The following GRIK1 variants were observed in gnomAD, a reference collection of about 807,000 sequenced individuals.
GRIK1 encodes the protein glutamate receptor ionotropic, kainate 1.
In GRIK1, 69 loss-of-function variants were observed where a neutral mutation model predicts 105.7. That is an observed-to-expected ratio of 0.65 (90% CI 0.54 to 0.80). The LOEUF (loss-of-function observed/expected upper bound fraction) is 0.80. Ranked by LOEUF, GRIK1 falls within the 30% of genes least tolerant of loss-of-function variation. GRIK1 has a pLI of 0.00. For synonymous variants in GRIK1, 438 were observed against 431.3 expected (o/e 1.02, Z -0.19); for missense variants, 1,109 against 1,167.3 (o/e 0.95, Z 0.73).
intron 1 of GRIK1, among the ~76,000 whole-genome samples, chr21:29,780,978 G>C (rs1250520286): frequency 6.6e-6 from 1 of 151,998 alleles, no homozygotes; most frequent in Non-Finnish European, 1.5e-5. Flanking sequence ...TCAGATTATA[G>C]ATATAACACA....
chr21:29,560,574 T>TTCTTTCTTTCTC (rs1601116875), intron 15 of GRIK1, among the ~76,000 whole-genome samples: 1 of 124,180 alleles, frequency 8.1e-6, no homozygotes, highest in East Asian at 2.2e-4. Flanking sequence ...CTTTCTTTCT[T>TTCTTTCTTTCTC]TCTCTCTTTC....
At chr21:29,738,240 G>C (rs2064844768) in intron 1 of GRIK1, among the ~76,000 whole-genome samples, 1 of 151,900 alleles carries the variant, frequency 6.6e-6, no homozygotes, top group African/African-American at 2.4e-5. Flanking sequence ...CACTTTATCT[G>C]TTTGTGTGGG....
intron 4 of GRIK1, among the ~76,000 whole-genome samples, chr21:29,659,832 C>T (rs77117873): frequency 0.036 from 5,455 of 152,012 alleles, 323 homozygotes; most frequent in African/African-American, 0.12. Flanking sequence ...AGTGGTGGTG[C>T]GTGCCTGTAA....
At position 29,698,209 on chromosome 21, in the gene GRIK1, A is replaced by T. The variant is rs375385207; in HGVS notation, c.119-4146T>A. On this transcript the variant is annotated intron_variant, in intron 1 of 17. Coordinates refer to ENST00000327783, the MANE Select transcript of GRIK1 (RefSeq NM_001330994.2). Reference sequence around the variant, plus strand: ...GAGGCCCATTGGTTTGAGATGAGAAATCCCTACCTTTTTCATCCCTCTGTT... The same window carrying T: ...GAGGCCCATTGGTTTGAGATGAGAATTCCCTACCTTTTTCATCCCTCTGTT... Among the ~76,000 whole-genome samples the T allele has an allele frequency of 1.6e-4, 25 of 152,154 alleles. 1 individual carries two copies. The South Asian group carries it at 4.8e-3, about 29-fold the overall frequency.
chr21:29,567,793 A>G (rs1278875017), intron 14 of GRIK1, among the ~76,000 whole-genome samples: 1 of 152,232 alleles, frequency 6.6e-6, no homozygotes, highest in Non-Finnish European at 1.5e-5. Flanking sequence ...GACATGATTA[A>G]TATATTATTT....
intron 1 of GRIK1, among the ~76,000 whole-genome samples, chr21:29,931,817 C>T (rs889277950): frequency 6.6e-6 from 1 of 152,116 alleles, no homozygotes; most frequent in East Asian, 1.9e-4. Context: ...TTTAATCAAT[C>T]ATTAGATAAA....
intron 1 of GRIK1, among the ~76,000 whole-genome samples, chr21:29,771,220 T>C (rs1173833066): frequency 6.6e-6 from 1 of 152,228 alleles, no homozygotes; most frequent in African/African-American, 2.4e-5. Flanking sequence ...ATCTGAATTA[T>C]GTAGTTCCAA....
Position 29,642,856 on chromosome 21 carries a change from G to A in GRIK1, c.1068C>T (p.Leu356=), listed in dbSNP as rs753340957. The A allele has an allele frequency of 8.1e-6, 13 of 1,614,098 alleles. No homozygotes were observed. Among genetic ancestry groups the A allele is most frequent in the Non-Finnish European group, 1.0e-5 (12 of 1,179,968 alleles). ...LQCHRHKPWR[L]GPRFMNLIKE... ...TGATCAGGTTCATAAATCTGGGTCC[G>A]AGGCGCCATGGCTTATGTCTATGGC... The change falls in exon 7 of 18, where the codon CTC becomes CTT. Residue 356 remains leucine (L), a synonymous_variant. Coordinates refer to ENST00000327783, the MANE Select transcript of GRIK1 (RefSeq NM_001330994.2).
rs143354121 is a variant in GRIK1, at chr21:29,838,287, A to C, written c.118+101096T>G. Among the ~76,000 whole-genome samples, 643 of 152,310 alleles carry C rather than the reference A, an allele frequency of 4.2e-3. 1 individual carries two copies. Among genetic ancestry groups the C allele is most frequent in the Middle Eastern group, 0.031 (9 of 294 alleles). On this transcript the variant is annotated intron_variant, in intron 1 of 17. Transcript: ENST00000327783. ...GCTGCAGAAACTGAATTGGACAACCAAGAAGATAGTTTTGTATTTTAAACT... is the reference window on the plus strand; with the variant it reads ...GCTGCAGAAACTGAATTGGACAACCCAGAAGATAGTTTTGTATTTTAAACT...
chr21:29,751,475 A>G (rs925738082), intron 1 of GRIK1, among the ~76,000 whole-genome samples: 1 of 151,882 alleles, frequency 6.6e-6, no homozygotes, highest in Non-Finnish European at 1.5e-5. Flanking sequence ...TTCCCCTTCA[A>G]GGTTGCTCTT....
At chr21:29,801,017 T>C (rs962958750) in intron 1 of GRIK1, among the ~76,000 whole-genome samples, 9 of 152,016 alleles carry the variant, frequency 5.9e-5, no homozygotes, top group Non-Finnish European at 5.9e-5. Context: ...TTACAAGAGA[T>C]CCGATGGTGG....
chr21:29,697,981 CTCTT>C (rs1375038498), intron 1 of GRIK1, among the ~76,000 whole-genome samples: 47 of 141,096 alleles, frequency 3.3e-4, no homozygotes, highest in Non-Finnish European at 4.3e-4. Flanking sequence ...TTCTCTCTGT[CTCTT>C]TCTTTCTTTC....
chr21:29,608,837 T>G (rs2061672927), intron 7 of GRIK1, among the ~76,000 whole-genome samples: 1 of 152,158 alleles, frequency 6.6e-6, no homozygotes, highest in Non-Finnish European at 1.5e-5. Context: ...GATATTAAGG[T>G]GTCACTTAGA....
intron 4 of GRIK1, among the ~76,000 whole-genome samples, chr21:29,669,556 G>A (rs950695890): frequency 6.6e-6 from 1 of 152,200 alleles, no homozygotes; most frequent in Non-Finnish European, 1.5e-5. Context: ...GAGCACACAG[G>A]CTCTGAGATC....
In GRIK1 at chr21:29,688,776, C is replaced by T. The variant is rs571765481; in HGVS notation, c.544+952G>A. Among the ~76,000 whole-genome samples the T allele has an allele frequency of 1.4e-4, 21 of 152,120 alleles. No individual in the cohort carries two copies. The East Asian group carries it at 3.9e-3, about 28-fold the overall frequency. Reference sequence around the variant, plus strand: ...GAGCTTTAAGGAAGAGGGAAATTTGCGTGCGGTCGTGGAGAATGAGGGAGT... The same window carrying T: ...GAGCTTTAAGGAAGAGGGAAATTTGTGTGCGGTCGTGGAGAATGAGGGAGT... On this transcript the variant is annotated intron_variant, in intron 3 of 17. Transcript: ENST00000327783.
intron 1 of GRIK1, among the ~76,000 whole-genome samples, chr21:29,764,663 T>C (rs569109703): frequency 6.6e-6 from 1 of 152,348 alleles, no homozygotes; most frequent in South Asian, 2.1e-4. Flanking sequence ...CTGATGGCTA[T>C]ATCTTCATAA....
At chr21:29,812,213 C>A (rs946881765) in intron 1 of GRIK1, among the ~76,000 whole-genome samples, 2 of 152,144 alleles carry the variant, frequency 1.3e-5, no homozygotes, top group Admixed American at 6.6e-5. Context: ...TAACCTCAAT[C>A]TCTGGAGTAG....
At chr21:29,732,798 C>T (rs959266679) in intron 1 of GRIK1, among the ~76,000 whole-genome samples, 5 of 152,044 alleles carry the variant, frequency 3.3e-5, no homozygotes, top group East Asian at 1.9e-4. Flanking sequence ...TCTGAATTTC[C>T]GTGAGATTAA....
intron 1 of GRIK1, among the ~76,000 whole-genome samples, chr21:29,797,582 T>C (rs1304229192): frequency 6.6e-6 from 1 of 152,230 alleles, no homozygotes; most frequent in African/African-American, 2.4e-5. Context: ...CACAGCCTCG[T>C]AATTTATTTA....
Sources: gnomAD v4.1 joint callset for allele counts (sites outside exome capture counted in the v4.1 genomes callset) on GRCh38, gnomAD v4.1.1 for gene constraint, MANE v1.5 for transcripts, NCBI Gene and HGNC (gene_info 2026-07-23, HGNC 2026-07-21) for gene names.